Variants in COX16 observed in about 807,000 individuals in gnomAD.
COX16 encodes cytochrome c oxidase assembly factor COX16.
A neutral mutation model predicts 15.4 loss-of-function variants in COX16; 12 were observed. That is an observed-to-expected ratio of 0.78 (90% CI 0.50 to 1.26). The LOEUF (loss-of-function observed/expected upper bound fraction) is 1.26, where lower values mean the gene tolerates loss of function less well. COX16 is among the 50% of genes most tolerant of loss of function. The pLI is 0.00. For synonymous variants in COX16, 46 were observed against 41.1 expected (o/e 1.12, Z -0.46); for missense variants, 124 against 127.6 (o/e 0.97, Z 0.14).
intron 2 of COX16, among the ~76,000 whole-genome samples, chr14:70,331,661 TAAC>T (rs1405283507): frequency 5.3e-5 from 8 of 152,212 alleles, no homozygotes; most frequent in Admixed American, 3.3e-4. Flanking sequence ...TTTGGAGCCT[TAAC>T]AATAAATTGC....
At position 70,329,257 on chromosome 14, in the gene COX16, T is replaced by G. The variant is rs1566596258; in HGVS notation, c.142-21A>C. ...TCCATCTGTAGAAAAGGAAAAAAAGTAATAAGTTATCTAAGTCTGTTTGTT... is the reference window on the plus strand; with the variant it reads ...TCCATCTGTAGAAAAGGAAAAAAAGGAATAAGTTATCTAAGTCTGTTTGTT... On this transcript the variant is annotated intron_variant, in intron 2 of 3. Transcript: ENST00000389912. 3.1e-6 allele frequency: 5 copies of G among 1,588,830 alleles called. 1 individual carries two copies. The African/African-American group carries it at 6.8e-5, about 22-fold the overall frequency.
Position 70,331,462 on chromosome 14 carries a change from A to G in COX16, c.142-2226T>C, listed in dbSNP as rs187659425. ...AGAAAAAAATGAGCAAGAGGCCTCAATAGACACATCACAAAAATGAATATA... is the reference window on the plus strand; with the variant it reads ...AGAAAAAAATGAGCAAGAGGCCTCAGTAGACACATCACAAAAATGAATATA... On this transcript the variant is annotated intron_variant, in intron 2 of 3. Coordinates refer to ENST00000389912, the MANE Select transcript of COX16 (RefSeq NM_016468.7). Among the ~76,000 whole-genome samples the G allele has an allele frequency of 7.0e-4, 107 of 152,350 alleles. 1 individual carries two copies. The highest frequency in any genetic ancestry group is 2.5e-3 in the African/African-American group (105 of 41,578).
chr14:70,352,546 T>C (rs1246583848), intron 1 of COX16, among the ~76,000 whole-genome samples: 3 of 150,738 alleles, frequency 2.0e-5, no homozygotes, highest in African/African-American at 7.3e-5. Flanking sequence ...CTACATGTTA[T>C]ATAATTATAT....
chr14:70,331,492 A>G (rs1886289716), intron 2 of COX16, among the ~76,000 whole-genome samples: 1 of 152,216 alleles, frequency 6.6e-6, no homozygotes. Context: ...AATATACAAA[A>G]TAGAATACAA....
chr14:70,350,421 C>T (rs1271448812), intron 1 of COX16, among the ~76,000 whole-genome samples: 1 of 152,150 alleles, frequency 6.6e-6, no homozygotes, highest in Non-Finnish European at 1.5e-5. Context: ...GCATGTTGCT[C>T]CATACCGCCT....
In COX16 at chr14:70,327,534, T is replaced by C. The variant is rs142975317; in HGVS notation, c.205-1085A>G. Reference sequence around the variant, plus strand: ...AGTAAATGAAAATACTGTTCACTTATAGTTTTACCAGGAGTCTGTATTACA... The same window carrying C: ...AGTAAATGAAAATACTGTTCACTTACAGTTTTACCAGGAGTCTGTATTACA... On this transcript the variant is annotated intron_variant, in intron 3 of 3. Transcript: ENST00000389912. Among the ~76,000 whole-genome samples the C allele has an allele frequency of 5.7e-4, 87 of 152,302 alleles. 1 individual carries two copies. In the East Asian group the frequency reaches 6.9e-3, roughly 12 times the overall value.
chr14:70,344,439 C>T (rs1329599156), intron 1 of COX16, among the ~76,000 whole-genome samples: 1 of 152,228 alleles, frequency 6.6e-6, no homozygotes, highest in Non-Finnish European at 1.5e-5. Context: ...AAGATGGAGT[C>T]AGTTAGGTCT....
At chr14:70,333,131 A>G (rs1420338098) in intron 2 of COX16, among the ~76,000 whole-genome samples, 2 of 152,238 alleles carry the variant, frequency 1.3e-5, no homozygotes, top group African/African-American at 4.8e-5. Flanking sequence ...AGACTTGCAC[A>G]GACTAAGATA....
At chr14:70,336,624 A>G (rs998806247) in intron 2 of COX16, among the ~76,000 whole-genome samples, 8 of 152,224 alleles carry the variant, frequency 5.3e-5, no homozygotes, top group Non-Finnish European at 1.2e-4. Flanking sequence ...CAACTAAGAA[A>G]ACAGCAAATG....
At chr14:70,358,381 T>TA (rs1566608586) in intron 1 of COX16, among the ~76,000 whole-genome samples, 25 of 147,066 alleles carry the variant, frequency 1.7e-4, no homozygotes, top group African/African-American at 6.0e-4. Flanking sequence ...ATTTTTTTTT[T>TA]TTTTTTTTTT....
chr14:70,340,534 A>C (rs1319972932), intron 2 of COX16, among the ~76,000 whole-genome samples: 3 of 152,216 alleles, frequency 2.0e-5, no homozygotes, highest in Non-Finnish European at 2.9e-5. Context: ...TTTGCTGCTA[A>C]AATTATTGCT....
chr14:70,333,745 C>T (rs756517222), intron 2 of COX16, among the ~76,000 whole-genome samples: 1 of 152,126 alleles, frequency 6.6e-6, no homozygotes, highest in Non-Finnish European at 1.5e-5. Context: ...TAAAATGTCA[C>T]CAATCAGATT....
At chr14:70,356,001 A>G (rs61977537) in intron 1 of COX16, among the ~76,000 whole-genome samples, 71,980 of 151,898 alleles carry the variant, frequency 0.47, 17,692 homozygotes, top group South Asian at 0.55. Flanking sequence ...TTCTGCCACA[A>G]GTGGAAGCAG....
chr14:70,348,417 C>A (rs745308414), intron 1 of COX16, among the ~76,000 whole-genome samples: 1 of 152,212 alleles, frequency 6.6e-6, no homozygotes, highest in Non-Finnish European at 1.5e-5. Context: ...CAATACCCTA[C>A]ACACTTCTGT....
At chr14:70,338,498 A>G (rs1393084084) in intron 2 of COX16, among the ~76,000 whole-genome samples, 1 of 152,220 alleles carries the variant, frequency 6.6e-6, no homozygotes, top group East Asian at 1.9e-4. Context: ...TTTTCTGTTT[A>G]GCATTGATAT....
chr14:70,333,009 C>T (rs1886338481), intron 2 of COX16, among the ~76,000 whole-genome samples: 1 of 152,170 alleles, frequency 6.6e-6, no homozygotes, highest in African/African-American at 2.4e-5. Context: ...GGGCTTTGGG[C>T]ACTCTCTAGG....
intron 1 of COX16, among the ~76,000 whole-genome samples, chr14:70,343,944 GT>G (rs1886698885): frequency 6.6e-6 from 1 of 152,150 alleles, no homozygotes; most frequent in African/African-American, 2.4e-5. Flanking sequence ...AGGGATCAGA[GT>G]TTTTAGATAA....
At chr14:70,329,037 TTG>T in intron 3 of COX16, 135 bp downstream of exon 3, 6 of 613,284 alleles carry the variant, frequency 9.8e-6, no homozygotes, top group Non-Finnish European at 1.4e-5. Context: ...ATCTTTTTAT[TTG>T]CTTTTCAAAT....
intron 2 of COX16, among the ~76,000 whole-genome samples, chr14:70,338,535 A>C (rs1197237126): frequency 6.6e-6 from 1 of 152,170 alleles, no homozygotes; most frequent in African/African-American, 2.4e-5. Flanking sequence ...TCCTTGGTAA[A>C]ATTTAACAGT....
Sources: gnomAD v4.1 joint callset for allele counts (sites outside exome capture counted in the v4.1 genomes callset) on GRCh38, gnomAD v4.1.1 for gene constraint, MANE v1.5 for transcripts, NCBI Gene and HGNC (gene_info 2026-07-23, HGNC 2026-07-21) for gene names.